Variants in TMEM135 observed in about 807,000 individuals in gnomAD.
TMEM135 encodes the protein transmembrane protein 135.
In TMEM135, 30 loss-of-function variants were observed where a neutral mutation model predicts 60.3. The observed-to-expected ratio is 0.50, with a 90% confidence interval of 0.37 to 0.68. The LOEUF is 0.68. TMEM135 is among the 30% of genes least tolerant of loss of function. TMEM135 has a pLI of 0.00. For synonymous variants in TMEM135, 190 were observed against 186.7 expected (o/e 1.02, Z -0.14); for missense variants, 468 against 548.8 (o/e 0.85, Z 1.47).
intron 6 of TMEM135, among the ~76,000 whole-genome samples, chr11:87,279,936 G>T (rs1436399520): frequency 6.6e-6 from 1 of 152,180 alleles, no homozygotes; most frequent in Non-Finnish European, 1.5e-5. Flanking sequence ...TTATGTGGAG[G>T]CATCAAGATT....
At chr11:87,068,366 ATC>A (rs1295889973) in intron 2 of TMEM135, among the ~76,000 whole-genome samples, 1 of 152,144 alleles carries the variant, frequency 6.6e-6, no homozygotes, top group African/African-American at 2.4e-5. Context: ...GCTCTTACTT[ATC>A]TGACATATTT....
At chr11:87,227,819 G>A (rs1164912507) in intron 5 of TMEM135, among the ~76,000 whole-genome samples, 1 of 152,168 alleles carries the variant, frequency 6.6e-6, no homozygotes, top group Non-Finnish European at 1.5e-5. Flanking sequence ...AAAAGTTGAA[G>A]ATGCTTAGCA....
intron 4 of TMEM135, among the ~76,000 whole-genome samples, chr11:87,150,235 A>AT (rs1491556190): frequency 1.3e-5 from 2 of 149,192 alleles, no homozygotes; most frequent in Non-Finnish European, 3.0e-5. Context: ...AAAAAAAAAA[A>AT]GAAAAAAAGT....
At chr11:87,295,130 G>C (rs552299707) in intron 6 of TMEM135, among the ~76,000 whole-genome samples, 1 of 152,118 alleles carries the variant, frequency 6.6e-6, no homozygotes, top group South Asian at 2.1e-4. Context: ...TTAGTGATAT[G>C]ATTAAATGAG....
intron 5 of TMEM135, among the ~76,000 whole-genome samples, chr11:87,222,044 C>T (rs990867335): frequency 3.3e-5 from 5 of 151,206 alleles, no homozygotes; most frequent in Admixed American, 6.6e-5. Flanking sequence ...ATTAGCCAGG[C>T]GGTGGTGGGC....
chr11:87,160,195 G>C (rs1254877658), intron 5 of TMEM135, among the ~76,000 whole-genome samples: 2 of 152,158 alleles, frequency 1.3e-5, no homozygotes, highest in African/African-American at 4.8e-5. Flanking sequence ...CCTCCTCCCT[G>C]TTCTGGCTTT....
At chr11:87,147,424 C>T (rs1206550525) in intron 4 of TMEM135, among the ~76,000 whole-genome samples, 2 of 152,224 alleles carry the variant, frequency 1.3e-5, no homozygotes, top group African/African-American at 4.8e-5. Flanking sequence ...GGCCTCTTAA[C>T]TCCTGGACTC....
At position 87,192,848 on chromosome 11, in the gene TMEM135, C is replaced by T. The variant is rs144145090; in HGVS notation, c.462+35442C>T. The stretch of plus-strand genomic sequence containing the variant: ...TATTTTGGTTTGCCGGGCATGGTGG[C>T]TCACGCCTGTAATTCCAGCACTTTC... On this transcript the variant is annotated intron_variant, in intron 5 of 14. Coordinates refer to ENST00000305494, the MANE Select transcript of TMEM135 (RefSeq NM_022918.4). 6.6e-5 allele frequency among the ~76,000 whole-genome samples: 10 copies of T among 152,286 alleles called. No homozygotes were observed. The East Asian group carries it at 1.9e-3, about 29-fold the overall frequency.
chr11:87,111,114 G>A (rs556321885), intron 4 of TMEM135, among the ~76,000 whole-genome samples: 2 of 152,302 alleles, frequency 1.3e-5, no homozygotes, highest in African/African-American at 4.8e-5. Flanking sequence ...ATATGTAGAA[G>A]CTTAGGACTC....
At chr11:87,111,772 G>A (rs541193731) in intron 4 of TMEM135, among the ~76,000 whole-genome samples, 25 of 151,764 alleles carry the variant, frequency 1.6e-4, no homozygotes, top group African/African-American at 6.0e-4. Context: ...TTTGAAACAT[G>A]CTCCCATACA....
At position 87,323,865 on chromosome 11, in the gene TMEM135, T is replaced by A. The variant is rs889617873; in HGVS notation, c.*2532T>A. 1 of 451,932 alleles carries A rather than the reference T, an allele frequency of 2.2e-6. No homozygotes were observed. 28.0% of individuals were successfully genotyped at this position (451,932 alleles called of 1,614,324 possible). On this transcript the variant is annotated 3_prime_UTR_variant, in exon 15 of 15. Transcript: ENST00000305494. ...TAACACCTTTGGTTTAGTTTTATTT[T>A]CCCATAAATTCTGCTTTTGCTTCTG...
intron 4 of TMEM135, among the ~76,000 whole-genome samples, chr11:87,141,477 A>G (rs1938260736): frequency 6.6e-6 from 1 of 152,118 alleles, no homozygotes. Context: ...ACTTTCTTAT[A>G]CATTTCTTAG....
At chr11:87,310,273 G>T (rs1271614389) in intron 10 of TMEM135, among the ~76,000 whole-genome samples, 1 of 152,116 alleles carries the variant, frequency 6.6e-6, no homozygotes, top group Non-Finnish European at 1.5e-5. Flanking sequence ...AAACATATAT[G>T]TAGAGATCAT....
At chr11:87,172,672 G>A (rs2135291194) in intron 5 of TMEM135, among the ~76,000 whole-genome samples, 1 of 152,048 alleles carries the variant, frequency 6.6e-6, no homozygotes, top group East Asian at 1.9e-4. Flanking sequence ...ATAAGTAAAA[G>A]ATTTATTGAG....
rs574873888 is a variant in TMEM135 at position 87,282,461 on chromosome 11, C to T, written c.510-13321C>T. ...TGTATTTTTAGTAGAGAAGGGATTTCACCATCTTGGCCAGGCTGGTCTCGA... is the reference window on the plus strand; with the variant it reads ...TGTATTTTTAGTAGAGAAGGGATTTTACCATCTTGGCCAGGCTGGTCTCGA... On this transcript the variant is annotated intron_variant, in intron 6 of 14. Coordinates refer to ENST00000305494, the MANE Select transcript of TMEM135 (RefSeq NM_022918.4). 2.0e-5 allele frequency among the ~76,000 whole-genome samples: 3 copies of T among 152,270 alleles called. No individual in the cohort carries two copies. The South Asian group carries it at 6.2e-4, about 32-fold the overall frequency.
intron 5 of TMEM135, among the ~76,000 whole-genome samples, chr11:87,173,434 T>G (rs1231291555): frequency 6.6e-6 from 1 of 152,156 alleles, no homozygotes; most frequent in Non-Finnish European, 1.5e-5. Context: ...ACCAAAATGG[T>G]TTCAGCTTTC....
intron 1 of TMEM135, among the ~76,000 whole-genome samples, chr11:87,056,214 C>T (rs542699465): frequency 1.3e-5 from 2 of 152,266 alleles, no homozygotes; most frequent in South Asian, 2.1e-4. Context: ...TTTTAGTAAA[C>T]GTTATTAATT....
intron 3 of TMEM135, among the ~76,000 whole-genome samples, chr11:87,078,797 T>TG (rs1053684797): frequency 6.6e-6 from 1 of 150,848 alleles, no homozygotes; most frequent in African/African-American, 2.4e-5. Flanking sequence ...TATTTCTTTT[T>TG]TTTTAGTAGA....
chr11:87,058,344 A>AT (rs1555097237), intron 1 of TMEM135, among the ~76,000 whole-genome samples: 1 of 151,564 alleles, frequency 6.6e-6, no homozygotes, highest in Admixed American at 6.6e-5. Flanking sequence ...TATTATTATT[A>AT]TTTTTTTGAC....
Sources: gnomAD v4.1 joint callset for allele counts (sites outside exome capture counted in the v4.1 genomes callset) on GRCh38, gnomAD v4.1.1 for gene constraint, MANE v1.5 for transcripts, NCBI Gene and HGNC (gene_info 2026-07-23, HGNC 2026-07-21) for gene names.